METTL15: variants seen among roughly 807,000 people sequenced by gnomAD.
The protein encoded by METTL15 is methyltransferase 15, mitochondrial 12S rRNA N4-cytidine, also known as 12S rRNA N(4)-cytidine methyltransferase METTL15.
A neutral mutation model predicts 38.3 loss-of-function variants in METTL15; 34 were observed. The observed-to-expected ratio is 0.89, with a 90% CI of 0.68 to 1.18. The LOEUF is 1.18. Among genes scored for constraint, METTL15 ranks in the 50% most tolerant of loss-of-function variants. The pLI, the probability that METTL15 is intolerant of heterozygous loss-of-function variation, is 0.00. For synonymous variants in METTL15, 162 were observed against 170.9 expected (o/e 0.95, Z 0.41); for missense variants, 438 against 498.4 (o/e 0.88, Z 1.15).
intron 3 of METTL15, among the ~76,000 whole-genome samples, chr11:28,193,082 C>A (rs1851758605): frequency 6.6e-6 from 1 of 152,012 alleles, no homozygotes; most frequent in Admixed American, 6.6e-5. Flanking sequence ...TTACTAAATT[C>A]CACTGGATTT....
chr11:28,393,305 G>T (rs1194732811), intron 5 of METTL15, among the ~76,000 whole-genome samples: 1 of 152,078 alleles, frequency 6.6e-6, no homozygotes, highest in Non-Finnish European at 1.5e-5. Flanking sequence ...AATGGATAAA[G>T]AAAATGTGGT....
intron 5 of METTL15, among the ~76,000 whole-genome samples, chr11:28,389,250 C>A (rs183272119): frequency 4.7e-5 from 7 of 149,716 alleles, no homozygotes; most frequent in African/African-American, 1.7e-4. Flanking sequence ...TTTTATTATA[C>A]TTTAAGTTTT....
chr11:28,192,386 C>T (rs866561811), intron 3 of METTL15, among the ~76,000 whole-genome samples: 22 of 150,964 alleles, frequency 1.5e-4, no homozygotes, highest in South Asian at 2.1e-4. Context: ...CCCCACTTGA[C>T]CACAATGTAG....
At chr11:28,271,525 A>C (rs942910140) in intron 4 of METTL15, among the ~76,000 whole-genome samples, 1 of 152,180 alleles carries the variant, frequency 6.6e-6, no homozygotes, top group Non-Finnish European at 1.5e-5. Context: ...AACGATCCAC[A>C]CTGGTGACAA....
intron 5 of METTL15, among the ~76,000 whole-genome samples, chr11:28,409,179 G>T (rs1294421527): frequency 6.6e-6 from 1 of 151,752 alleles, no homozygotes; most frequent in Non-Finnish European, 1.5e-5. Flanking sequence ...TCTGGAGATC[G>T]AGACCATCCT....
chr11:28,323,680 T>C (rs930788713), intron 6 of METTL15, among the ~76,000 whole-genome samples: 66 of 152,164 alleles, frequency 4.3e-4, no homozygotes, highest in Admixed American at 2.6e-4. Context: ...GAAAAGATGA[T>C]GGCTTGGACA....
intron 4 of METTL15, among the ~76,000 whole-genome samples, chr11:28,246,158 T>G (rs1412244518): frequency 6.6e-6 from 1 of 152,166 alleles, no homozygotes; most frequent in Admixed American, 6.5e-5. Context: ...AGTAATATAT[T>G]GTACATTTCA....
chr11:28,280,220 AC>A (rs113534298), intron 4 of METTL15, among the ~76,000 whole-genome samples: 23,176 of 152,048 alleles, frequency 0.15, 1,915 homozygotes, highest in East Asian at 0.28. Context: ...CCTGAAGAAA[AC>A]TGTTTTTAAT....
At chr11:28,405,735 TATGTAGAACTCTGCTGTA>T (rs1340895181) in intron 5 of METTL15, among the ~76,000 whole-genome samples, 2 of 152,198 alleles carry the variant, frequency 1.3e-5, no homozygotes, top group African/African-American at 4.8e-5. Context: ...CAGCACATGC[TATGTAGAACTCTGCTGTA>T]GATTTACAAG....
At chr11:28,117,259 GTATATATATATATATATATATATATA>G (rs60938215) in intron 3 of METTL15, among the ~76,000 whole-genome samples, 4 of 108,588 alleles carry the variant, frequency 3.7e-5, no homozygotes, top group African/African-American at 1.1e-4. Context: ...GTGTGTGTGT[GTATATATATATATATATATATATATA>G]TATATATATA....
intron 4 of METTL15, among the ~76,000 whole-genome samples, chr11:28,282,546 A>C (rs1856095146): frequency 6.6e-6 from 1 of 152,162 alleles, no homozygotes; most frequent in Non-Finnish European, 1.5e-5. Flanking sequence ...TTCCATCAAG[A>C]GGTGAAGTCT....
intron 5 of METTL15, among the ~76,000 whole-genome samples, chr11:28,383,391 C>T (rs889055800): frequency 2.6e-5 from 4 of 152,042 alleles, no homozygotes; most frequent in African/African-American, 9.7e-5. Flanking sequence ...TTTGATTCTA[C>T]ATCTTTGGTA....
At chr11:28,387,823 G>T (rs1364201556) in intron 5 of METTL15, among the ~76,000 whole-genome samples, 1 of 152,018 alleles carries the variant, frequency 6.6e-6, no homozygotes, top group Non-Finnish European at 1.5e-5. Context: ...ACTTTAAAAG[G>T]ATTTAGTCCT....
chr11:28,119,440 T>C (rs541127328), intron 3 of METTL15, among the ~76,000 whole-genome samples: 85 of 152,262 alleles, frequency 5.6e-4, no homozygotes, highest in Middle Eastern at 6.8e-3. Flanking sequence ...CTCAAGACTT[T>C]TATATAATTT....
intron 5 of METTL15, among the ~76,000 whole-genome samples, chr11:28,389,028 T>C (rs1850472536): frequency 6.6e-6 from 1 of 152,104 alleles, no homozygotes; most frequent in Non-Finnish European, 1.5e-5. Context: ...TTTTTATGGC[T>C]ACATAGTATT....
At chr11:28,223,489 T>C (rs985564412) in intron 4 of METTL15, among the ~76,000 whole-genome samples, 3 of 152,170 alleles carry the variant, frequency 2.0e-5, no homozygotes, top group Admixed American at 2.0e-4. Flanking sequence ...AAAATATTTA[T>C]GTAATTGCAA....
intron 6 of METTL15, among the ~76,000 whole-genome samples, chr11:28,305,550 T>A (rs1258340742): frequency 6.6e-6 from 1 of 152,134 alleles, no homozygotes; most frequent in South Asian, 2.1e-4. Flanking sequence ...GATTAGAAGC[T>A]AGTAATCTCA....
chr11:28,268,733 C>A lies in METTL15; in HGVS notation c.408-21473C>A, dbSNP rs1055753309. Among the ~76,000 whole-genome samples, 4 of 152,034 alleles carry A rather than the reference C, an allele frequency of 2.6e-5. No homozygotes were observed. The East Asian group carries it at 7.7e-4, about 29-fold the overall frequency. On this transcript the variant is annotated intron_variant, in intron 4 of 6. Transcript: ENST00000407364. ...ATATTCTTATATGAAATAACATAAA[C>A]CATTTTTTGCATTCTGTAGACTTTC...
At chr11:28,219,816 G>A (rs1048190133) in intron 4 of METTL15, among the ~76,000 whole-genome samples, 1 of 151,984 alleles carries the variant, frequency 6.6e-6, no homozygotes, top group African/African-American at 2.4e-5. Context: ...ATTTAGTTAT[G>A]TACCCAGTAG....
Sources: allele counts gnomAD v4.1 joint callset (sites outside exome capture counted in the v4.1 genomes callset), GRCh38; gene constraint gnomAD v4.1.1; transcripts MANE v1.5; gene names NCBI Gene and HGNC (gene_info 2026-07-23, HGNC 2026-07-21).